Variants in IPO7 observed in about 807,000 individuals in gnomAD.
The protein encoded by IPO7 is importin-7.
IPO7 carries 13 observed loss-of-function variants against 136.4 expected under a neutral mutation model. The observed-to-expected ratio is 0.10, with a 90% CI of 0.06 to 0.15. IPO7 has a LOEUF of 0.15. IPO7 is among the 10% of genes least tolerant of loss of function. The probability of loss-of-function intolerance (pLI) is 1.00; values close to 1 mark genes in which losing one functional copy is unlikely to be tolerated. For synonymous variants in IPO7, 403 were observed against 404.4 expected (o/e 1.00, Z 0.04); for missense variants, 857 against 1,240.6 (o/e 0.69, Z 4.65).
intron 1 of IPO7, among the ~76,000 whole-genome samples, chr11:9,388,101 C>T (rs901713524): frequency 2.0e-5 from 3 of 151,708 alleles, no homozygotes; most frequent in African/African-American, 2.4e-5. Flanking sequence ...GAGCCGAGAT[C>T]GTACCATTGC....
intron 2 of IPO7, among the ~76,000 whole-genome samples, chr11:9,404,596 C>G (rs965790766): frequency 2.6e-4 from 36 of 136,148 alleles, no homozygotes; most frequent in African/African-American, 9.8e-4. Flanking sequence ...GACGGAGTCT[C>G]GCTCTGTTGC....
intron 19 of IPO7, 79 bp from the exon 20 acceptor site, chr11:9,436,192 G>C: frequency 1.1e-6 from 1 of 904,648 alleles, no homozygotes; most frequent in Non-Finnish European, 1.8e-6. Flanking sequence ...TGTACACAGG[G>C]TAGGAAATTG....
chr11:9,395,018 C>G (rs534838203), intron 1 of IPO7, among the ~76,000 whole-genome samples: 2 of 152,150 alleles, frequency 1.3e-5, no homozygotes, highest in African/African-American at 2.4e-5. Context: ...ATGCTAGAAT[C>G]CAGGAGCTTG....
chr11:9,414,617 ATCTT>A, intron 5 of IPO7: 1 of 126,916 alleles, frequency 7.9e-6, no homozygotes, highest in Non-Finnish European at 1.7e-5. Context: ...ACCCTAATGA[ATCTT>A]TTTTTTTTTT....
intron 8 of IPO7, 63 bp from the exon 9 acceptor site, chr11:9,422,943 G>A: frequency 9.7e-7 from 1 of 1,034,086 alleles, no homozygotes; most frequent in Non-Finnish European, 1.4e-6. Context: ...TGTTTTTACT[G>A]GCTTGTAAGT....
In IPO7 at chr11:9,384,681, C is replaced by A; in HGVS notation, c.-83C>A. The A allele has an allele frequency of 8.6e-7, 1 of 1,162,116 alleles. No individual in the cohort carries two copies. Among genetic ancestry groups the A allele is most frequent in the Non-Finnish European group, 1.2e-6 (1 of 820,852 alleles). 72.0% of individuals were successfully genotyped at this position (1,162,116 alleles called of 1,614,324 possible). A position where few individuals can be genotyped will look rare whatever the true frequency, so the allele number is the denominator to read the frequency against. Reference sequence around the variant, plus strand: ...TCGCGCCGGTTGCCGCTGCGGAGCGCGGCGGGTCCATGTGCGCAGTGAGTG... The same window carrying A: ...TCGCGCCGGTTGCCGCTGCGGAGCGAGGCGGGTCCATGTGCGCAGTGAGTG... On this transcript the variant is annotated 5_prime_UTR_variant, in exon 1 of 25. Transcript: ENST00000379719.
At chr11:9,433,422 T>C in intron 16 of IPO7, 148 bp from the exon 17 acceptor site, 1 of 567,714 alleles carries the variant, frequency 1.8e-6, no homozygotes. Context: ...GATCACAATT[T>C]CATAATGTGT....
At chr11:9,406,842 C>G (rs1360769175) in intron 2 of IPO7, among the ~76,000 whole-genome samples, 2 of 151,966 alleles carry the variant, frequency 1.3e-5, no homozygotes, top group Non-Finnish European at 2.9e-5. Context: ...CCATTGTACT[C>G]CAGTCTGGGA....
intron 1 of IPO7, among the ~76,000 whole-genome samples, chr11:9,391,878 T>C (rs1051338052): frequency 1.3e-5 from 2 of 152,134 alleles, no homozygotes; most frequent in Non-Finnish European, 2.9e-5. Context: ...GCTATCCTCC[T>C]GCCTTAGCCT....
intron 2 of IPO7, among the ~76,000 whole-genome samples, chr11:9,404,620 C>A (rs557287048): frequency 7.6e-6 from 1 of 131,050 alleles, no homozygotes; most frequent in African/African-American, 2.9e-5. Context: ...GGCTGTAGTG[C>A]GGTGGCGCGA....
At chr11:9,399,995 G>A (rs1223015068) in intron 1 of IPO7, among the ~76,000 whole-genome samples, 2 of 152,028 alleles carry the variant, frequency 1.3e-5, no homozygotes, top group Non-Finnish European at 2.9e-5. Context: ...GGACCCCCAC[G>A]GATATCAAAA....
intron 1 of IPO7, among the ~76,000 whole-genome samples, chr11:9,399,481 G>C (rs1300876649): frequency 2.0e-5 from 3 of 152,102 alleles, no homozygotes; most frequent in Non-Finnish European, 4.4e-5. Flanking sequence ...GAAGGATTTT[G>C]GGTATAGAAT....
At chr11:9,420,026 T>C (rs1855104548) in intron 6 of IPO7, among the ~76,000 whole-genome samples, 2 of 152,168 alleles carry the variant, frequency 1.3e-5, no homozygotes, top group South Asian at 4.1e-4. Context: ...CCTTCTACTA[T>C]GAAAGGCCAA....
At chr11:9,400,006 T>C (rs763131630) in intron 1 of IPO7, among the ~76,000 whole-genome samples, 2 of 152,168 alleles carry the variant, frequency 1.3e-5, no homozygotes, top group Non-Finnish European at 2.9e-5. Flanking sequence ...GATATCAAAA[T>C]TCATGGATGC....
chr11:9,385,345 C>T (rs1854537518), intron 1 of IPO7, among the ~76,000 whole-genome samples: 1 of 152,176 alleles, frequency 6.6e-6, no homozygotes. Flanking sequence ...AGTGGCCTGC[C>T]TCGGGCACAA....
rs1377842008 is a variant in IPO7, at chr11:9,425,004, A to T, written c.1218+14A>T. Reference sequence around the variant, plus strand: ...AAGAGGAAAGAGGTAGGCTTATTTAATGTTTAGATAACTTTTCTGTATTAT... The same window carrying T: ...AAGAGGAAAGAGGTAGGCTTATTTATTGTTTAGATAACTTTTCTGTATTAT... On this transcript the variant is annotated intron_variant, in intron 11 of 24. Coordinates refer to ENST00000379719, the MANE Select transcript of IPO7 (RefSeq NM_006391.3). 2.0e-6 allele frequency: 3 copies of T among 1,510,120 alleles called. No homozygotes were observed. Among genetic ancestry groups the T allele is most frequent in the African/African-American group, 1.4e-5 (1 of 71,714 alleles). 93.5% of individuals were successfully genotyped at this position (1,510,120 alleles called of 1,614,324 possible). A position where few individuals can be genotyped will look rare whatever the true frequency, so the allele number is the denominator to read the frequency against.
chr11:9,408,347 T>G, intron 2 of IPO7, 139 bp from the exon 3 acceptor site: 1 of 449,228 alleles, frequency 2.2e-6, no homozygotes, highest in Non-Finnish European at 3.8e-6. Context: ...TTAAAAATAA[T>G]TGAATGTAGT....
chr11:9,416,649 T>C (rs1855045999), intron 5 of IPO7, among the ~76,000 whole-genome samples: 1 of 152,202 alleles, frequency 6.6e-6, no homozygotes, highest in Admixed American at 6.5e-5. Flanking sequence ...AATTAGTTTT[T>C]GTAATTAACC....
intron 8 of IPO7, among the ~76,000 whole-genome samples, chr11:9,422,787 A>G (rs537816501): frequency 8.5e-5 from 13 of 152,348 alleles, no homozygotes; most frequent in African/African-American, 3.1e-4. Context: ...GTCTCTAACA[A>G]CAACAACAAA....
Sources: allele counts gnomAD v4.1 joint callset (sites outside exome capture counted in the v4.1 genomes callset), GRCh38; gene constraint gnomAD v4.1.1; transcripts MANE v1.5; gene names NCBI Gene and HGNC (gene_info 2026-07-23, HGNC 2026-07-21).